Variants in ROBO2 observed in about 807,000 individuals in gnomAD.
ROBO2 encodes the protein roundabout homolog 2.
Under a neutral mutation model 160.8 loss-of-function variants are expected in ROBO2, and 53 were observed. The observed-to-expected ratio is 0.33, with a 90% CI of 0.26 to 0.41. The LOEUF is 0.41. ROBO2 is among the 10% of genes least tolerant of loss of function. ROBO2 has a pLI of 1.00. For synonymous variants in ROBO2, 664 were observed against 611.7 expected (o/e 1.09, Z -1.26); for missense variants, 1,577 against 1,722.4 (o/e 0.92, Z 1.49).
chr3:76,467,455 G>T (rs1559996053), intron 2 of ROBO2, among the ~76,000 whole-genome samples: 1 of 152,070 alleles, frequency 6.6e-6, no homozygotes, highest in Non-Finnish European at 1.5e-5. Flanking sequence ...AGAGGTGGTG[G>T]TCACCAAATA....
intron 2 of ROBO2, among the ~76,000 whole-genome samples, chr3:76,081,991 A>T (rs1331577942): frequency 6.6e-6 from 1 of 152,120 alleles, no homozygotes; most frequent in Non-Finnish European, 1.5e-5. Context: ...GATTTTTGTG[A>T]CTGGCAAAGA....
At chr3:76,237,755 G>T (rs1705032816) in intron 2 of ROBO2, among the ~76,000 whole-genome samples, 3 of 152,166 alleles carry the variant, frequency 2.0e-5, no homozygotes, top group Non-Finnish European at 4.4e-5. Flanking sequence ...AATATAAAAA[G>T]CAATGTGGTT....
rs1000984024 is a variant in ROBO2 at position 76,503,221 on chromosome 3, G to A, written c.109+565619G>A. 8.5e-5 allele frequency among the ~76,000 whole-genome samples: 13 copies of A among 152,164 alleles called. No individual in the cohort carries two copies. In the East Asian group the frequency reaches 1.6e-3, roughly 18 times the overall value. On this transcript the variant is annotated intron_variant, in intron 2 of 26. Coordinates refer to the ROBO2 transcript ENST00000487694. ...AGATGTAGGCTGGGAGGCTAGGCCC[G>A]TCTCTCCTTTTCATGTTTTTCTGCC...
At chr3:76,606,426 T>C (rs1304445095) in intron 2 of ROBO2, among the ~76,000 whole-genome samples, 1 of 152,188 alleles carries the variant, frequency 6.6e-6, no homozygotes, top group Non-Finnish European at 1.5e-5. Context: ...AAAATTCCAC[T>C]GAAAGCTTCT....
intron 2 of ROBO2, among the ~76,000 whole-genome samples, chr3:77,182,834 G>A (rs1227033327): frequency 6.6e-6 from 1 of 152,002 alleles, no homozygotes; most frequent in Non-Finnish European, 1.5e-5. Flanking sequence ...TGGATAAATG[G>A]TATTATATGA....
At chr3:76,875,666 AT>A in intron 2 of ROBO2, among the ~76,000 whole-genome samples, 1 of 151,696 alleles carries the variant, frequency 6.6e-6, no homozygotes, top group Non-Finnish European at 1.5e-5. Context: ...CTCCATCTTT[AT>A]TTTTTGATAC....
chr3:77,304,762 C>A (rs893665952), intron 2 of ROBO2, among the ~76,000 whole-genome samples: 5 of 152,028 alleles, frequency 3.3e-5, no homozygotes. Context: ...AAAATTTGAT[C>A]TTTTCTGGTT....
intron 2 of ROBO2, among the ~76,000 whole-genome samples, chr3:76,274,966 C>T (rs1707835333): frequency 1.3e-5 from 2 of 152,016 alleles, no homozygotes; most frequent in African/African-American, 4.8e-5. Context: ...AGATTTGTGC[C>T]ATTGTAACTT....
At chr3:77,642,055 T>C (rs755307742) in intron 24 of ROBO2, among the ~76,000 whole-genome samples, 6 of 152,172 alleles carry the variant, frequency 3.9e-5, no homozygotes, top group Non-Finnish European at 8.8e-5. Context: ...GATTGTAATA[T>C]ATTAGTTGTA....
chr3:77,455,898 T>G (rs1314614532), intron 2 of ROBO2, among the ~76,000 whole-genome samples: 2 of 152,170 alleles, frequency 1.3e-5, no homozygotes, highest in Non-Finnish European at 2.9e-5. Flanking sequence ...TGATGGCAAC[T>G]AAGGAGCTTT....
intron 9 of ROBO2, 105 bp downstream of exon 10, chr3:77,558,254 T>C: frequency 1.1e-6 from 1 of 905,942 alleles, no homozygotes; most frequent in Admixed American, 1.8e-5. Context: ...GTATAATTGC[T>C]GCACGTTTAA....
chr3:77,436,606 G>A (rs189208684), intron 2 of ROBO2, among the ~76,000 whole-genome samples: 5 of 151,828 alleles, frequency 3.3e-5, no homozygotes, highest in Admixed American at 2.0e-4. Context: ...TTGAAGATTC[G>A]AATATGGTCA....
rs145083481 is a variant in ROBO2 at position 76,624,517 on chromosome 3, G to T, written c.110-473497G>T. ...TGTACATTAGAATGTCTTTATAGAG[G>T]CCGGGCGCGGTGGGCTCACACCTGT... On this transcript the variant is annotated intron_variant, in intron 2 of 26. Coordinates refer to the ROBO2 transcript ENST00000487694. Among the ~76,000 whole-genome samples, 169 of 143,734 alleles carry T rather than the reference G, an allele frequency of 1.2e-3. 3 individuals are homozygous for T. The highest frequency in any genetic ancestry group is 4.3e-3 in the African/African-American group (163 of 38,066). 94.3% of individuals were successfully genotyped at this position (143,734 alleles called of 152,430 possible). A position where few individuals can be genotyped will look rare whatever the true frequency, so the allele number is the denominator to read the frequency against.
At chr3:76,681,210 G>T (rs2106925861) in intron 2 of ROBO2, among the ~76,000 whole-genome samples, 1 of 152,288 alleles carries the variant, frequency 6.6e-6, no homozygotes, top group Admixed American at 6.5e-5. Context: ...ACAATGCAAT[G>T]AAATGATTAG....
chr3:76,730,226 A>ACTTTT (rs2093615400), intron 2 of ROBO2, among the ~76,000 whole-genome samples: 1 of 49,514 alleles, frequency 2.0e-5, no homozygotes, highest in Admixed American at 2.2e-4. Context: ...CTCCCTACCC[A>ACTTTT]CCTCTCCTCA....
intron 2 of ROBO2, among the ~76,000 whole-genome samples, chr3:76,976,872 A>G (rs2059840349): frequency 6.6e-6 from 1 of 152,202 alleles, no homozygotes; most frequent in Non-Finnish European, 1.5e-5. Flanking sequence ...CTGACTTCAT[A>G]TGATATTGCT....
chr3:76,713,457 C>G (rs2093332772), intron 2 of ROBO2, among the ~76,000 whole-genome samples: 1 of 151,982 alleles, frequency 6.6e-6, no homozygotes, highest in Non-Finnish European at 1.5e-5. Context: ...GATGAATTTT[C>G]TATGTTCATA....
intron 2 of ROBO2, among the ~76,000 whole-genome samples, chr3:76,086,152 TG>T (rs2069005129): frequency 1.3e-5 from 2 of 152,120 alleles, no homozygotes; most frequent in Admixed American, 6.6e-5. Context: ...CAGTACGGCC[TG>T]GCTGCAGAAG....
At position 77,400,188 on chromosome 3, in the gene ROBO2, G is replaced by A. The variant is rs544034156; in HGVS notation, c.389-77226G>A. The stretch of plus-strand genomic sequence containing the variant: ...ATTTTCCTTATTTCTGGCCCAGGAT[G>A]CCATGAGTCCAAGGATTTAGGCTTT... On this transcript the variant is annotated intron_variant, in intron 2 of 25. Transcript: ENST00000461745. Among the ~76,000 whole-genome samples the A allele has an allele frequency of 7.9e-5, 12 of 152,246 alleles. No individual in the cohort carries two copies. In the South Asian group the frequency reaches 2.5e-3, roughly 32 times the overall value.
Sources: gnomAD v4.1 joint callset for allele counts (sites outside exome capture counted in the v4.1 genomes callset) on GRCh38, gnomAD v4.1.1 for gene constraint, MANE v1.5 for transcripts, NCBI Gene and HGNC (gene_info 2026-07-23, HGNC 2026-07-21) for gene names.